NRG3: variants seen among roughly 807,000 people sequenced by gnomAD.
NRG3 encodes pro-neuregulin-3, membrane-bound isoform.
NRG3 carries 31 observed loss-of-function variants against 66.9 expected under a neutral mutation model. That is an observed-to-expected ratio of 0.46 (90% CI 0.35 to 0.63). The LOEUF is 0.63. Ranked by LOEUF, NRG3 falls within the 20% of genes least tolerant of loss-of-function variation. The probability of loss-of-function intolerance (pLI) is 0.00; values close to 1 mark genes in which losing one functional copy is unlikely to be tolerated. For missense variants in NRG3, 910 were observed against 878.9 expected, an observed-to-expected ratio of 1.04 and a Z score of -0.45; for synonymous variants, 393 against 359.4, an observed-to-expected ratio of 1.09 and a Z score of -1.06.
intron 1 of NRG3, among the ~76,000 whole-genome samples, chr10:82,056,986 C>T (rs1028001363): frequency 6.6e-6 from 1 of 151,978 alleles, no homozygotes; most frequent in Non-Finnish European, 1.5e-5. Flanking sequence ...TCATTGTTAT[C>T]TCTCATTAAT....
rs377089484 is a variant in NRG3, at chr10:82,258,228, G to A, written c.824-100511G>A. On this transcript the variant is annotated intron_variant, in intron 1 of 8. Coordinates refer to ENST00000372141, the MANE Select transcript of NRG3 (RefSeq NM_001010848.4). The stretch of plus-strand genomic sequence containing the variant: ...CAATTATATTGGTCATGAATGGAAC[G>A]TTCCTAGGGAATAGATGGTGATAAT... Among the ~76,000 whole-genome samples, 156 of 152,308 alleles carry A rather than the reference G, an allele frequency of 1.0e-3. 2 individuals carry two copies. The South Asian group carries it at 0.018, about 18-fold the overall frequency.
chr10:82,946,739 T>C (rs1043491636), intron 4 of NRG3, among the ~76,000 whole-genome samples: 3 of 152,122 alleles, frequency 2.0e-5, no homozygotes, highest in Non-Finnish European at 4.4e-5. Flanking sequence ...AAATAGAATA[T>C]ACACACATAT....
chr10:82,651,072 C>G (rs1242606453), intron 2 of NRG3, among the ~76,000 whole-genome samples: 1 of 152,162 alleles, frequency 6.6e-6, no homozygotes, highest in Non-Finnish European at 1.5e-5. Flanking sequence ...CAGAAAGCAA[C>G]AGGAGGCCAT....
chr10:82,970,585 T>G (rs1851631203), intron 6 of NRG3, among the ~76,000 whole-genome samples: 1 of 152,230 alleles, frequency 6.6e-6, no homozygotes, highest in Non-Finnish European at 1.5e-5. Flanking sequence ...CCTTTCATTT[T>G]TTTCCAGTTG....
chr10:82,562,559 C>T lies in NRG3; in HGVS notation c.954-176018C>T, dbSNP rs1339403375. Among the ~76,000 whole-genome samples the T allele has an allele frequency of 2.0e-5, 3 of 152,308 alleles. No homozygotes were observed. The East Asian group carries it at 5.8e-4, about 29-fold the overall frequency. On this transcript the variant is annotated intron_variant, in intron 2 of 8. Coordinates refer to ENST00000372141, the MANE Select transcript of NRG3 (RefSeq NM_001010848.4). ...TTATCTTGAAACACAGTCAGTCCCTCTGTCATTTGCAGATAGTCACTACTT... is the reference window on the plus strand; with the variant it reads ...TTATCTTGAAACACAGTCAGTCCCTTTGTCATTTGCAGATAGTCACTACTT...
At chr10:82,531,328 A>G (rs1847238153) in intron 2 of NRG3, among the ~76,000 whole-genome samples, 1 of 151,822 alleles carries the variant, frequency 6.6e-6, no homozygotes, top group South Asian at 2.1e-4. Context: ...TTAAAAGTTG[A>G]TTAACATATA....
At chr10:82,324,716 C>A (rs776245225) in intron 1 of NRG3, among the ~76,000 whole-genome samples, 7 of 152,106 alleles carry the variant, frequency 4.6e-5, no homozygotes, top group Non-Finnish European at 7.4e-5. Flanking sequence ...TTTGACATTT[C>A]CCTGATATCA....
At chr10:82,281,652 T>A (rs539205637) in intron 1 of NRG3, among the ~76,000 whole-genome samples, 1 of 152,170 alleles carries the variant, frequency 6.6e-6, no homozygotes, top group Non-Finnish European at 1.5e-5. Context: ...ACAGTGAATC[T>A]AAATTCCATT....
At chr10:82,731,539 T>A (rs559741617) in intron 2 of NRG3, among the ~76,000 whole-genome samples, 62 of 151,686 alleles carry the variant, frequency 4.1e-4, no homozygotes, top group African/African-American at 1.3e-3. Flanking sequence ...TGTGCCTGGC[T>A]TATTTCACTT....
chr10:82,238,919 T>TATATATATATATATATATATATATACAC (rs372472574), intron 1 of NRG3, among the ~76,000 whole-genome samples: 1 of 142,142 alleles, frequency 7.0e-6, no homozygotes, highest in Non-Finnish European at 1.5e-5. Context: ...ACCGTATATA[T>TATATATATATATATATATATATATACAC]ATATATATAA....
chr10:82,602,193 A>G (rs1278500462), intron 2 of NRG3, among the ~76,000 whole-genome samples: 2 of 151,958 alleles, frequency 1.3e-5, no homozygotes, highest in Admixed American at 1.3e-4. Context: ...ACAGTCGACT[A>G]TCCGTTTTTT....
chr10:82,413,790 A>C (rs2088311467), intron 2 of NRG3, among the ~76,000 whole-genome samples: 1 of 152,116 alleles, frequency 6.6e-6, no homozygotes, highest in African/African-American at 2.4e-5. Flanking sequence ...TATTTTATGG[A>C]GATGGCTTCT....
intron 2 of NRG3, among the ~76,000 whole-genome samples, chr10:82,697,623 T>G (rs2055496234): frequency 6.6e-6 from 1 of 152,178 alleles, no homozygotes; most frequent in Non-Finnish European, 1.5e-5. Context: ...ACCAACAAAC[T>G]AAAGGACTTG....
intron 2 of NRG3, among the ~76,000 whole-genome samples, chr10:82,508,236 T>C (rs1844857371): frequency 6.6e-6 from 1 of 152,214 alleles, no homozygotes; most frequent in African/African-American, 2.4e-5. Flanking sequence ...TTTTCATACA[T>C]GCGTTTAGAA....
intron 1 of NRG3, among the ~76,000 whole-genome samples, chr10:82,283,012 G>A (rs1369292330): frequency 2.0e-5 from 3 of 151,960 alleles, no homozygotes. Context: ...TCACTAATGC[G>A]ATCTGCTCTG....
At chr10:82,618,580 A>G (rs1224469620) in intron 2 of NRG3, among the ~76,000 whole-genome samples, 1 of 152,204 alleles carries the variant, frequency 6.6e-6, no homozygotes, top group Non-Finnish European at 1.5e-5. Flanking sequence ...TTCTCAGCTC[A>G]AAAATATGTC....
At chr10:82,110,924 G>T (rs1476452144) in intron 1 of NRG3, among the ~76,000 whole-genome samples, 2 of 151,228 alleles carry the variant, frequency 1.3e-5, no homozygotes, top group East Asian at 3.9e-4. Context: ...TTTAGATAGA[G>T]AAAAGAAAAA....
chr10:82,667,501 T>C (rs897303791), intron 2 of NRG3, among the ~76,000 whole-genome samples: 2 of 152,160 alleles, frequency 1.3e-5, no homozygotes, highest in Non-Finnish European at 2.9e-5. Context: ...AGTGCGGTGC[T>C]CAAAAGGCTT....
intron 3 of NRG3, among the ~76,000 whole-genome samples, chr10:82,785,943 G>C (rs1229458553): frequency 6.6e-6 from 1 of 152,132 alleles, no homozygotes; most frequent in Admixed American, 6.5e-5. Flanking sequence ...GGCATTTCAG[G>C]TGTGCAGAAT....
Sources: gnomAD v4.1 joint callset for allele counts (sites outside exome capture counted in the v4.1 genomes callset) on GRCh38, gnomAD v4.1.1 for gene constraint, MANE v1.5 for transcripts, NCBI Gene and HGNC (gene_info 2026-07-23, HGNC 2026-07-21) for gene names.